DCLK1: variants seen among roughly 807,000 people sequenced by gnomAD.
The protein encoded by DCLK1 is serine/threonine-protein kinase DCLK1.
A neutral mutation model predicts 86.2 loss-of-function variants in DCLK1; 16 were observed. The ratio of observed to expected loss-of-function variants is 0.19; its 90% confidence interval spans 0.13 to 0.28. The LOEUF (loss-of-function observed/expected upper bound fraction) is 0.28, where lower values mean the gene tolerates loss of function less well. DCLK1 is among the 10% of genes least tolerant of loss of function. The pLI, the probability that DCLK1 is intolerant of heterozygous loss-of-function variation, is 1.00. For missense variants in DCLK1, 590 were observed against 940.2 expected (o/e 0.63, Z 4.87); for synonymous variants, 369 against 370.5 (o/e 1.00, Z 0.05).
chr13:36,086,962 TTATAATCCTTTGGG>T (rs1391065815), intron 3 of DCLK1, among the ~76,000 whole-genome samples: 2 of 152,202 alleles, frequency 1.3e-5, no homozygotes, highest in African/African-American at 4.8e-5. Context: ...GTAGAATGAT[TTATAATCCTTTGGG>T]TATACACCCA....
chr13:36,091,974 AT>A (rs1316708968), intron 3 of DCLK1, among the ~76,000 whole-genome samples: 1 of 152,102 alleles, frequency 6.6e-6, no homozygotes, highest in Non-Finnish European at 1.5e-5. Context: ...TATGTTGTTT[AT>A]TTTGCCTAGA....
intron 4 of DCLK1, among the ~76,000 whole-genome samples, chr13:35,877,794 G>C (rs750651238): frequency 2.0e-5 from 3 of 152,192 alleles, no homozygotes; most frequent in Non-Finnish European, 4.4e-5. Flanking sequence ...TACAAAGCCT[G>C]TAAATGGAAT....
chr13:35,825,819 TA>T (rs1406852544), intron 10 of DCLK1, among the ~76,000 whole-genome samples: 35 of 74,942 alleles, frequency 4.7e-4, no homozygotes, highest in African/African-American at 1.3e-3. Flanking sequence ...TTTTCTTTTT[TA>T]TTTTTTTTTG....
At chr13:35,826,326 C>T (rs1235938911) in intron 10 of DCLK1, among the ~76,000 whole-genome samples, 1 of 150,348 alleles carries the variant, frequency 6.7e-6, no homozygotes, top group African/African-American at 2.4e-5. Context: ...GAGTTCGAGA[C>T]CAGCCTGACC....
upstream of DCLK1, among the ~76,000 whole-genome samples, chr13:36,131,617 G>A (rs1026284154): frequency 2.0e-5 from 3 of 152,144 alleles, no homozygotes; most frequent in Non-Finnish European, 4.4e-5. Context: ...GTCCCCACAA[G>A]TAGTCTTTGG....
At chr13:35,939,465 C>G (rs369972478) in intron 4 of DCLK1, among the ~76,000 whole-genome samples, 130 of 152,328 alleles carry the variant, frequency 8.5e-4, no homozygotes, top group Non-Finnish European at 1.4e-3. Flanking sequence ...GCAGGAGTGG[C>G]GCAATCTCTG....
intron 2 of DCLK1, among the ~76,000 whole-genome samples, chr13:36,123,210 G>T (rs1886052450): frequency 6.6e-6 from 1 of 152,202 alleles, no homozygotes; most frequent in Admixed American, 6.5e-5. Flanking sequence ...GCCTAATGAT[G>T]AATATGAACC....
intron 4 of DCLK1, among the ~76,000 whole-genome samples, chr13:35,877,174 C>G (rs934504336): frequency 1.3e-5 from 2 of 152,190 alleles, no homozygotes; most frequent in Non-Finnish European, 2.9e-5. Context: ...CTCACCTTCA[C>G]CCAGGACATG....
intron 4 of DCLK1, among the ~76,000 whole-genome samples, chr13:35,944,085 C>T (rs1209611632): frequency 1.3e-5 from 2 of 152,170 alleles, no homozygotes; most frequent in African/African-American, 4.8e-5. Flanking sequence ...AGGAGTCTCC[C>T]TGGCAGTTTC....
At chr13:35,938,405 G>A (rs557521957) in intron 4 of DCLK1, among the ~76,000 whole-genome samples, 5 of 152,128 alleles carry the variant, frequency 3.3e-5, no homozygotes, top group Non-Finnish European at 7.4e-5. Flanking sequence ...CAAAGCGGGT[G>A]GATCACGAGG....
At chr13:35,980,027 A>T (rs1566630655) in intron 3 of DCLK1, among the ~76,000 whole-genome samples, 2 of 152,188 alleles carry the variant, frequency 1.3e-5, no homozygotes, top group African/African-American at 2.4e-5. Flanking sequence ...TAACATAAAG[A>T]TCTCCTGCCT....
intron 4 of DCLK1, among the ~76,000 whole-genome samples, chr13:35,942,401 C>T (rs1053050821): frequency 2.0e-5 from 3 of 152,114 alleles, no homozygotes; most frequent in African/African-American, 7.2e-5. Flanking sequence ...CTCCTGACTT[C>T]GTGATTCTTC....
At chr13:35,931,575 A>G (rs919551510) in intron 4 of DCLK1, among the ~76,000 whole-genome samples, 1 of 152,152 alleles carries the variant, frequency 6.6e-6, no homozygotes, top group Non-Finnish European at 1.5e-5. Context: ...GAAGCCCCCA[A>G]GGAATACTAT....
chr13:35,832,229 C>A (rs1869017755), intron 8 of DCLK1, among the ~76,000 whole-genome samples: 1 of 152,066 alleles, frequency 6.6e-6, no homozygotes, highest in African/African-American at 2.4e-5. Flanking sequence ...GAGCCCAGAA[C>A]TTTGAGACTG....
chr13:36,064,446 G>A (rs551324353), intron 3 of DCLK1, among the ~76,000 whole-genome samples: 110 of 152,230 alleles, frequency 7.2e-4, no homozygotes, highest in African/African-American at 2.5e-3. Flanking sequence ...GGATCACGAG[G>A]TCAGGAGATC....
At position 35,889,678 on chromosome 13, in the gene DCLK1, A is replaced by G. The variant is rs118032948; in HGVS notation, c.824-18338T>C. Among the ~76,000 whole-genome samples, 900 of 152,256 alleles carry G rather than the reference A, an allele frequency of 5.9e-3. 1 individual carries two copies. Among genetic ancestry groups the G allele is most frequent in the Non-Finnish European group, 0.01 (694 of 68,000 alleles). ...ATTTGGTGATACATCTTATTTTTAA[A>G]GAATGAACTTAGCTTTTGGGTCTCT... On this transcript the variant is annotated intron_variant, in intron 4 of 16. Coordinates refer to ENST00000360631, the MANE Select transcript of DCLK1 (RefSeq NM_001330071.2).
chr13:36,063,222 T>C (rs1271224964), intron 3 of DCLK1, among the ~76,000 whole-genome samples: 3 of 152,190 alleles, frequency 2.0e-5, no homozygotes, highest in Admixed American at 2.0e-4. Flanking sequence ...AAAGTGCCTT[T>C]GGGTTTGCCT....
chr13:35,819,147 C>G (rs1277974620), intron 11 of DCLK1, among the ~76,000 whole-genome samples: 1 of 152,108 alleles, frequency 6.6e-6, no homozygotes, highest in African/African-American at 2.4e-5. Flanking sequence ...GCAACAAGAA[C>G]CATGTAAAAT....
At chr13:35,972,341 C>T (rs1280482518) in intron 3 of DCLK1, among the ~76,000 whole-genome samples, 1 of 152,056 alleles carries the variant, frequency 6.6e-6, no homozygotes, top group African/African-American at 2.4e-5. Context: ...TGGGCTCAAG[C>T]AATCCTCCTG....
Sources: allele counts gnomAD v4.1 joint callset (sites outside exome capture counted in the v4.1 genomes callset), GRCh38; gene constraint gnomAD v4.1.1; transcripts MANE v1.5; gene names NCBI Gene and HGNC (gene_info 2026-07-23, HGNC 2026-07-21).